The following NTM variants were observed in gnomAD, a reference collection of about 807,000 sequenced individuals.
NTM encodes the protein neurotrimin.
In NTM, 13 loss-of-function variants were observed where a neutral mutation model predicts 42.1. The ratio of observed to expected loss-of-function variants is 0.31; its 90% CI spans 0.20 to 0.49. The LOEUF (loss-of-function observed/expected upper bound fraction) is 0.49. NTM is among the 20% of genes least tolerant of loss of function. NTM has a pLI of 0.99. For synonymous variants in NTM, 187 were observed against 179.2 expected (o/e 1.04, Z -0.35); for missense variants, 373 against 452.8 (o/e 0.82, Z 1.60).
intron 1 of NTM, among the ~76,000 whole-genome samples, chr11:131,373,078 G>T (rs577714094): frequency 1.3e-5 from 2 of 152,254 alleles, no homozygotes; most frequent in South Asian, 4.1e-4. Context: ...ATAGAACAAG[G>T]TTGCCCAATT....
chr11:132,327,912 A>G (rs1290850358), intron 7 of NTM, among the ~76,000 whole-genome samples: 1 of 150,486 alleles, frequency 6.6e-6, no homozygotes, highest in Non-Finnish European at 1.5e-5. Context: ...TTAATATACC[A>G]TTAACAAAGA....
Position 132,242,160 on chromosome 11 carries a change from T to C in NTM, c.526+30013T>C, listed in dbSNP as rs776693133. Among the ~76,000 whole-genome samples, 10 of 152,210 alleles carry C rather than the reference T, an allele frequency of 6.6e-5. 1 individual carries two copies. Among genetic ancestry groups the C allele is most frequent in the Admixed American group, 5.9e-4 (9 of 15,278 alleles). ...TCAGTAGGCCTCTCAGTCCTTAGCC[T>C]CAGATCAACTAGTGGAGCCTTCCCC... On this transcript the variant is annotated intron_variant, in intron 4 of 8. Transcript: ENST00000683400.
intron 2 of NTM, among the ~76,000 whole-genome samples, chr11:132,044,072 GTA>G (rs768122415): frequency 1.0e-5 from 1 of 99,784 alleles, no homozygotes; most frequent in Admixed American, 1.1e-4. Flanking sequence ...GTGTGTATGT[GTA>G]TGTGTTTGTG....
At chr11:131,582,749 A>C (rs1350471230) in intron 1 of NTM, among the ~76,000 whole-genome samples, 1 of 152,152 alleles carries the variant, frequency 6.6e-6, no homozygotes, top group East Asian at 1.9e-4. Context: ...CCCCACGTCC[A>C]TTACTTTTCT....
intron 3 of NTM, among the ~76,000 whole-genome samples, chr11:132,190,606 A>G (rs2079150233): frequency 6.6e-6 from 1 of 152,070 alleles, no homozygotes; most frequent in Admixed American, 6.6e-5. Flanking sequence ...CCGCGGTGGC[A>G]GGCTCCTATA....
At chr11:131,572,475 C>T (rs534660068) in intron 1 of NTM, among the ~76,000 whole-genome samples, 1 of 152,298 alleles carries the variant, frequency 6.6e-6, no homozygotes, top group African/African-American at 2.4e-5. Flanking sequence ...TTCCCCATCC[C>T]TGCTTCCTTC....
intron 1 of NTM, among the ~76,000 whole-genome samples, chr11:131,763,888 T>C (rs2084680118): frequency 6.6e-6 from 1 of 151,976 alleles, no homozygotes; most frequent in Non-Finnish European, 1.5e-5. Context: ...GTTGTTAATA[T>C]AACTGCTATC....
At chr11:131,522,031 C>A (rs531758592) in intron 1 of NTM, among the ~76,000 whole-genome samples, 1 of 152,092 alleles carries the variant, frequency 6.6e-6, no homozygotes, top group Non-Finnish European at 1.5e-5. Context: ...ATGAAAGGAT[C>A]GCCAGGCAGA....
At chr11:132,094,489 A>C (rs2136451101) in intron 2 of NTM, among the ~76,000 whole-genome samples, 1 of 152,140 alleles carries the variant, frequency 6.6e-6, no homozygotes, top group African/African-American at 2.4e-5. Context: ...TCCCTGCCAG[A>C]CTCTCAACCC....
chr11:132,023,810 TTTGTTGTTG>T (rs137975664), intron 2 of NTM, among the ~76,000 whole-genome samples: 4,114 of 145,498 alleles, frequency 0.028, 81 homozygotes, highest in Middle Eastern at 0.1. Context: ...TGGTGGTGGT[TTTGTTGTTG>T]TTGTTGTTGT....
chr11:131,857,913 G>GTC (rs775049196), intron 1 of NTM, among the ~76,000 whole-genome samples: 4 of 151,948 alleles, frequency 2.6e-5, no homozygotes, highest in Non-Finnish European at 4.4e-5. Context: ...ATTGAGCTTC[G>GTC]TCTCCTTCAG....
chr11:131,769,021 C>T (rs1434227046), intron 1 of NTM, among the ~76,000 whole-genome samples: 2 of 152,152 alleles, frequency 1.3e-5, no homozygotes, highest in African/African-American at 4.8e-5. Context: ...GGTATAGGGT[C>T]TTCATGTCTG....
chr11:131,690,584 G>T (rs2074536517), intron 1 of NTM, among the ~76,000 whole-genome samples: 1 of 152,244 alleles, frequency 6.6e-6, no homozygotes, highest in Non-Finnish European at 1.5e-5. Flanking sequence ...AACATACACC[G>T]TGGACGCTGC....
chr11:131,438,414 A>G (rs1442860266), intron 1 of NTM, among the ~76,000 whole-genome samples: 3 of 152,242 alleles, frequency 2.0e-5, no homozygotes, highest in Non-Finnish European at 4.4e-5. Context: ...ACTTTCAGGT[A>G]CACCAGTCAG....
intron 1 of NTM, among the ~76,000 whole-genome samples, chr11:131,754,079 C>G (rs1432653002): frequency 7.7e-6 from 1 of 130,326 alleles, no homozygotes; most frequent in Non-Finnish European, 1.5e-5. Context: ...GGGAATTGAA[C>G]AATGAGAACA....
At chr11:132,120,206 TA>T (rs1171826040) in intron 2 of NTM, among the ~76,000 whole-genome samples, 1 of 152,160 alleles carries the variant, frequency 6.6e-6, no homozygotes, top group Non-Finnish European at 1.5e-5. Flanking sequence ...GCTCTGGCTT[TA>T]AAACTGATCA....
chr11:131,588,178 AT>A (rs2059045079), intron 1 of NTM, among the ~76,000 whole-genome samples: 1 of 152,232 alleles, frequency 6.6e-6, no homozygotes, highest in Non-Finnish European at 1.5e-5. Flanking sequence ...TTAAGACACA[AT>A]GAGAGATCTG....
rs74329227 is a variant in NTM, at chr11:132,315,676, G to A, written c.934+973G>A. Among the ~76,000 whole-genome samples the A allele has an allele frequency of 3.5e-3, 532 of 152,218 alleles. 2 individuals carry two copies. Among genetic ancestry groups the A allele is most frequent in the African/African-American group, 9.5e-3 (396 of 41,534 alleles). ...TCCCATGGCCCAGCCATGTGCCCTCGGTGCTAGCGTATGTGGCTTGCTCTG... is the reference window on the plus strand; with the variant it reads ...TCCCATGGCCCAGCCATGTGCCCTCAGTGCTAGCGTATGTGGCTTGCTCTG... On this transcript the variant is annotated intron_variant, in intron 7 of 8. Transcript: ENST00000683400.
At chr11:131,992,825 C>A (rs573023613) in intron 2 of NTM, among the ~76,000 whole-genome samples, 2 of 152,236 alleles carry the variant, frequency 1.3e-5, no homozygotes, top group South Asian at 4.1e-4. Context: ...GAGCATTTTT[C>A]CTGTGACCAT....
Sources: allele counts gnomAD v4.1 joint callset (sites outside exome capture counted in the v4.1 genomes callset), GRCh38; gene constraint gnomAD v4.1.1; transcripts MANE v1.5; gene names NCBI Gene and HGNC (gene_info 2026-07-23, HGNC 2026-07-21).